Variants in PARG observed in about 807,000 individuals in gnomAD.
The protein encoded by PARG is poly(ADP-ribose) glycohydrolase, also known as mitochondrial poly(ADP-ribose) glycohydrolase.
Under a neutral mutation model 113.0 loss-of-function variants are expected in PARG, and 35 were observed. The ratio of observed to expected loss-of-function variants is 0.31; its 90% CI spans 0.24 to 0.41. The LOEUF is 0.41. PARG is among the 10% of genes least tolerant of loss of function. PARG has a pLI of 1.00. For missense variants in PARG, 797 were observed against 1,169.4 expected, an observed-to-expected ratio of 0.68 and a Z score of 4.64; for synonymous variants, 330 against 409.9, an observed-to-expected ratio of 0.81 and a Z score of 2.36.
intron 15 of PARG, among the ~76,000 whole-genome samples, chr10:49,836,086 C>T (rs1844907070): frequency 6.6e-6 from 1 of 152,060 alleles, no homozygotes; most frequent in South Asian, 2.1e-4. Context: ...GACTACTTCA[C>T]AGAACATATC....
At chr10:49,941,414 AC>A in intron 1 of PARG, 94 bp downstream of exon 1, 1 of 976,998 alleles carries the variant, frequency 1.0e-6, no homozygotes, top group Non-Finnish European at 1.6e-6. Flanking sequence ...TGCACACAAG[AC>A]CAGAAAGGAG....
chr10:49,941,923 C>T lies in PARG; in HGVS notation c.-198G>A. ...ACACTCGCCTGCCTTCCCTCTTCCA[C>T]TGGCACCCCACCTGCCTCAATGCGC... On this transcript the variant is annotated 5_prime_UTR_variant, in exon 1 of 18. In the 5' UTR this introduces an upstream ATG that the reference lacks. Coordinates refer to ENST00000616448, the MANE Select transcript of PARG (RefSeq NM_003631.5). 9.4e-7 allele frequency: 1 copy of T among 1,061,850 alleles called. No homozygotes were observed. Among genetic ancestry groups the T allele is most frequent in the Non-Finnish European group, 1.4e-6 (1 of 709,072 alleles). The allele number at this position is 1,061,850 out of a possible 1,614,324, so 65.8% of individuals were successfully genotyped here.
In PARG at chr10:49,854,582, C is replaced by T. The variant is rs531110811; in HGVS notation, c.2353+2724G>A. On this transcript the variant is annotated intron_variant, in intron 13 of 17. Coordinates refer to ENST00000616448, the MANE Select transcript of PARG (RefSeq NM_003631.5). The stretch of plus-strand genomic sequence containing the variant: ...TGCTCAGGAAAAACTAGAGAAAGCC[C>T]TCAGCTCTCTCCTCTGCCTGACCTT... 2.9e-4 allele frequency among the ~76,000 whole-genome samples: 44 copies of T among 150,402 alleles called. No homozygotes were observed. The Middle Eastern group carries it at 0.01, about 35-fold the overall frequency.
At chr10:49,903,431 C>T (rs1554844122) in intron 7 of PARG, among the ~76,000 whole-genome samples, 1 of 152,018 alleles carries the variant, frequency 6.6e-6, no homozygotes, top group Non-Finnish European at 1.5e-5. Context: ...TCAAGGCCCA[C>T]ATTTTTGTGT....
At chr10:49,919,739 C>T (rs1212256622) in intron 6 of PARG, among the ~76,000 whole-genome samples, 1 of 152,188 alleles carries the variant, frequency 6.6e-6, no homozygotes, top group Non-Finnish European at 1.5e-5. Context: ...ACCAAGTAAA[C>T]TCTAGCAGAA....
At chr10:49,923,650 G>A (rs1190014312) in intron 4 of PARG, among the ~76,000 whole-genome samples, 22 of 151,788 alleles carry the variant, frequency 1.4e-4, no homozygotes, top group African/African-American at 4.8e-4. Flanking sequence ...GGAAGCAGCC[G>A]GCGCCAGGGA....
rs555498875 is a variant in PARG at position 49,885,653 on chromosome 10, G to A, written c.1738-358C>T. Among the ~76,000 whole-genome samples the A allele has an allele frequency of 1.2e-3, 181 of 152,312 alleles. 1 individual carries two copies. Among genetic ancestry groups the A allele is most frequent in the African/African-American group, 4.1e-3 (170 of 41,564 alleles). Reference sequence around the variant, plus strand: ...CCCTTGGTTGTATCAACTAGAAACTGCTAGACACCAAGGACTTTCTGAGAA... The same window carrying A: ...CCCTTGGTTGTATCAACTAGAAACTACTAGACACCAAGGACTTTCTGAGAA... On this transcript the variant is annotated intron_variant, in intron 7 of 17. Transcript: ENST00000616448.
chr10:49,861,497 CAAAT>C (rs1411607663), intron 12 of PARG, 87 bp downstream of exon 12: 14 of 683,684 alleles, frequency 2.0e-5, no homozygotes, highest in South Asian at 4.7e-5. Context: ...GTTTAGGAGA[CAAAT>C]AAACAGTTTT....
At chr10:49,940,123 T>A (rs1178786219) in intron 1 of PARG, among the ~76,000 whole-genome samples, 1 of 152,156 alleles carries the variant, frequency 6.6e-6, no homozygotes, top group Non-Finnish European at 1.5e-5. Context: ...CCCAATCTAC[T>A]TCTCCAGCAC....
intron 7 of PARG, among the ~76,000 whole-genome samples, chr10:49,903,977 T>G (rs548327150): frequency 6.6e-6 from 1 of 152,134 alleles, no homozygotes; most frequent in Non-Finnish European, 1.5e-5. Context: ...AGGGGTCGAC[T>G]AGGTGACTCT....
chr10:49,843,780 C>G, intron 13 of PARG, 148 bp from the exon 14 acceptor site: 1 of 595,064 alleles, frequency 1.7e-6, no homozygotes, highest in Non-Finnish European at 3.0e-6. Flanking sequence ...AACAAAAAGG[C>G]ATAAAGAATG....
At chr10:49,901,486 A>C (rs1848346368) in intron 7 of PARG, among the ~76,000 whole-genome samples, 1 of 151,402 alleles carries the variant, frequency 6.6e-6, no homozygotes, top group Non-Finnish European at 1.5e-5. Context: ...TGCCATGCAA[A>C]TCAAGTAACG....
At chr10:49,903,116 C>A (rs1444658921) in intron 7 of PARG, among the ~76,000 whole-genome samples, 1 of 151,826 alleles carries the variant, frequency 6.6e-6, no homozygotes, top group East Asian at 2.0e-4. Flanking sequence ...TGAGAGCCAC[C>A]ATGCCCGGCC....
intron 7 of PARG, among the ~76,000 whole-genome samples, chr10:49,888,544 C>T (rs1847609645): frequency 6.6e-6 from 1 of 152,094 alleles, no homozygotes; most frequent in South Asian, 2.1e-4. Context: ...AATTTTGTGT[C>T]ACTTCTTTCT....
In PARG at chr10:49,933,230, C is replaced by T. The variant is rs1347288046; in HGVS notation, c.1218G>A (p.Lys406=). 2.5e-6 allele frequency: 4 copies of T among 1,591,200 alleles called. No individual in the cohort carries two copies. Among genetic ancestry groups the T allele is most frequent in the Non-Finnish European group, 3.4e-6 (4 of 1,166,012 alleles). The change falls in exon 3 of 18, where the codon AAG becomes AAA. Residue 406 remains lysine, a synonymous_variant. Coordinates refer to ENST00000616448, the MANE Select transcript of PARG (RefSeq NM_003631.5). The part of the protein sequence containing the change: ...ECRNSKQHGK[K]DSKITDHFMR... The stretch of plus-strand genomic sequence containing the variant: ...TGAAATGATCTGTGATTTTAGAATC[C>T]TTTTTTCCATGTTGCTTAGAATTTC...
chr10:49,849,689 A>G (rs1554833858), intron 13 of PARG, among the ~76,000 whole-genome samples: 1 of 152,176 alleles, frequency 6.6e-6, no homozygotes, highest in Non-Finnish European at 1.5e-5. Flanking sequence ...TGACTCCCTC[A>G]CTAGACTCTC....
intron 16 of PARG, among the ~76,000 whole-genome samples, chr10:49,827,114 G>A (rs1844397738): frequency 6.6e-6 from 1 of 152,194 alleles, no homozygotes; most frequent in African/African-American, 2.4e-5. Context: ...TTTTCTGGTG[G>A]AAGGGAAGGA....
intron 12 of PARG, among the ~76,000 whole-genome samples, chr10:49,859,688 T>A (rs1175706197): frequency 1.3e-5 from 2 of 152,176 alleles, no homozygotes; most frequent in Non-Finnish European, 2.9e-5. Context: ...ATAATGATGA[T>A]GAAATACATT....
intron 1 of PARG, among the ~76,000 whole-genome samples, chr10:49,939,379 A>C (rs1367497045): frequency 1.3e-5 from 2 of 152,250 alleles, no homozygotes; most frequent in Non-Finnish European, 2.9e-5. Flanking sequence ...GAAATAACAC[A>C]GACAATATAA....
Sources: gnomAD v4.1 joint callset for allele counts (sites outside exome capture counted in the v4.1 genomes callset) on GRCh38, gnomAD v4.1.1 for gene constraint, MANE v1.5 for transcripts, NCBI Gene and HGNC (gene_info 2026-07-23, HGNC 2026-07-21) for gene names.